Variants in IQCM observed in about 807,000 individuals in gnomAD.
The protein encoded by IQCM is IQ domain-containing protein M.
A neutral mutation model predicts 57.6 loss-of-function variants in IQCM; 45 were observed. The observed-to-expected ratio is 0.78, with a 90% CI of 0.62 to 1.00. The LOEUF (loss-of-function observed/expected upper bound fraction) is 1.00, where lower values mean the gene tolerates loss of function less well. Among genes scored for constraint, IQCM ranks in the 50% least tolerant of loss-of-function variants. The pLI is 0.00. For synonymous variants in IQCM, 148 were observed against 158.9 expected, an observed-to-expected ratio of 0.93 and a Z score of 0.51; for missense variants, 468 against 511.6, an observed-to-expected ratio of 0.91 and a Z score of 0.82.
At chr4:149,403,414 T>C (rs1296768075) in intron 13 of IQCM, among the ~76,000 whole-genome samples, 1 of 152,008 alleles carries the variant, frequency 6.6e-6, no homozygotes, top group Non-Finnish European at 1.5e-5. Context: ...AATAGGATCA[T>C]CATAGTTATG....
intron 7 of IQCM, among the ~76,000 whole-genome samples, chr4:149,662,256 A>G (rs535353251): frequency 6.6e-6 from 1 of 151,910 alleles, no homozygotes; most frequent in East Asian, 1.9e-4. Context: ...GTTTCTGAAG[A>G]TTTTCTTGTT....
intron 9 of IQCM, among the ~76,000 whole-genome samples, 190 bp downstream of exon 9, chr4:149,587,740 A>G (rs1023047527): frequency 4.0e-5 from 6 of 151,854 alleles, no homozygotes; most frequent in Non-Finnish European, 4.4e-5. Context: ...GATTACTAAA[A>G]CACTCAAAAA....
chr4:149,358,820 A>C (rs1220394978), intron 13 of IQCM, among the ~76,000 whole-genome samples: 4 of 80,190 alleles, frequency 5.0e-5, no homozygotes, highest in Non-Finnish European at 1.2e-4. Context: ...CAAAAGAGGG[A>C]GTGTATCATG....
At chr4:149,573,169 A>G (rs898310979) in intron 9 of IQCM, among the ~76,000 whole-genome samples, 2 of 151,670 alleles carry the variant, frequency 1.3e-5, no homozygotes, top group African/African-American at 4.8e-5. Flanking sequence ...CATTTCAAAA[A>G]TTGATATTAA....
chr4:149,501,648 G>C (rs753539247), intron 12 of IQCM, among the ~76,000 whole-genome samples: 12 of 152,162 alleles, frequency 7.9e-5, no homozygotes, highest in Non-Finnish European at 1.5e-4. Context: ...TTGAAGATAG[G>C]AAATGAGAAA....
chr4:149,759,866 C>A (rs996156691), intron 2 of IQCM, among the ~76,000 whole-genome samples: 8 of 151,616 alleles, frequency 5.3e-5, no homozygotes, highest in African/African-American at 1.9e-4. Flanking sequence ...ATATTAAATT[C>A]AAAGAAAATA....
intron 4 of IQCM, among the ~76,000 whole-genome samples, chr4:149,735,074 A>AT (rs1766809086): frequency 6.6e-6 from 1 of 152,234 alleles, no homozygotes; most frequent in Non-Finnish European, 1.5e-5. Context: ...TTAAAGGGAT[A>AT]TTTATGTGAC....
chr4:149,419,735 C>T (rs1578998121), intron 13 of IQCM, among the ~76,000 whole-genome samples: 1 of 152,068 alleles, frequency 6.6e-6, no homozygotes, highest in African/African-American at 2.4e-5. Flanking sequence ...ATCTTGCAAT[C>T]TACCCATCTG....
intron 13 of IQCM, among the ~76,000 whole-genome samples, chr4:149,423,750 T>A (rs1192088699): frequency 6.6e-6 from 1 of 152,022 alleles, no homozygotes; most frequent in Non-Finnish European, 1.5e-5. Flanking sequence ...TATTTACCTT[T>A]GAATCCTCCT....
intron 12 of IQCM, among the ~76,000 whole-genome samples, chr4:149,472,131 C>A (rs1579176732): frequency 1.3e-5 from 2 of 152,054 alleles, no homozygotes; most frequent in Non-Finnish European, 1.5e-5. Flanking sequence ...GGCAATCAGG[C>A]AAGAGAAAGA....
At chr4:149,381,240 A>G (rs1294069307) in intron 13 of IQCM, among the ~76,000 whole-genome samples, 2 of 151,618 alleles carry the variant, frequency 1.3e-5, no homozygotes, top group Non-Finnish European at 2.9e-5. Context: ...CTAAGCCATT[A>G]TTTTTTCCTG....
chr4:149,649,477 AT>A (rs1758958500), intron 7 of IQCM, among the ~76,000 whole-genome samples: 1 of 152,128 alleles, frequency 6.6e-6, no homozygotes, highest in South Asian at 2.1e-4. Flanking sequence ...ACAAAAATTG[AT>A]CTGTGGGGTT....
chr4:149,497,131 C>A (rs79001222), intron 12 of IQCM, among the ~76,000 whole-genome samples: 1 of 152,146 alleles, frequency 6.6e-6, no homozygotes, highest in Non-Finnish European at 1.5e-5. Flanking sequence ...AGAGTCTAGC[C>A]CATTTCCTAG....
At chr4:149,769,305 C>T (rs1503748) in intron 2 of IQCM, among the ~76,000 whole-genome samples, 19,766 of 151,908 alleles carry the variant, frequency 0.13, 1,429 homozygotes, top group Middle Eastern at 0.18. Context: ...TGGACATATC[C>T]GCCCCCAAGG....
At chr4:149,419,003 A>C (rs1733944501) in intron 13 of IQCM, among the ~76,000 whole-genome samples, 1 of 152,144 alleles carries the variant, frequency 6.6e-6, no homozygotes, top group Admixed American at 6.6e-5. Context: ...ACACAAACAA[A>C]TGGAGAAACA....
intron 2 of IQCM, among the ~76,000 whole-genome samples, chr4:149,791,928 A>G (rs1772658479): frequency 6.6e-6 from 1 of 152,184 alleles, no homozygotes; most frequent in South Asian, 2.1e-4. Flanking sequence ...ATACTGGTTG[A>G]AAACTAAAAT....
intron 2 of IQCM, among the ~76,000 whole-genome samples, chr4:149,746,160 C>A (rs555549957): frequency 5.9e-4 from 90 of 152,148 alleles, no homozygotes; most frequent in Non-Finnish European, 1.0e-3. Flanking sequence ...TCATTTACTA[C>A]CCCAAACTTT....
intron 7 of IQCM, among the ~76,000 whole-genome samples, chr4:149,633,873 T>C (rs1414477918): frequency 6.6e-6 from 1 of 152,188 alleles, no homozygotes; most frequent in African/African-American, 2.4e-5. Context: ...CGTCATTTTT[T>C]TTCTTTCCAC....
At chr4:149,672,231 G>A (rs534078605) in intron 7 of IQCM, among the ~76,000 whole-genome samples, 2 of 152,280 alleles carry the variant, frequency 1.3e-5, no homozygotes, top group South Asian at 4.1e-4. Context: ...CCAAGGAAAC[G>A]CAGCTCCTCG....
Sources: allele counts gnomAD v4.1 joint callset (sites outside exome capture counted in the v4.1 genomes callset), GRCh38; gene constraint gnomAD v4.1.1; transcripts MANE v1.5; gene names NCBI Gene and HGNC (gene_info 2026-07-23, HGNC 2026-07-21).